SDCCAG8: variants seen among roughly 807,000 people sequenced by gnomAD.
SDCCAG8 encodes serologically defined colon cancer antigen 8.
A neutral mutation model predicts 101.8 loss-of-function variants in SDCCAG8; 74 were observed. That is an observed-to-expected ratio of 0.73 (90% confidence interval 0.60 to 0.88). SDCCAG8 has a LOEUF of 0.88. SDCCAG8 is among the 40% of genes least tolerant of loss of function. SDCCAG8 has a pLI of 0.00. For missense variants in SDCCAG8, 787 were observed against 822.6 expected, an observed-to-expected ratio of 0.96 and a Z score of 0.53; for synonymous variants, 281 against 292.9, an observed-to-expected ratio of 0.96 and a Z score of 0.41.
intron 16 of SDCCAG8, among the ~76,000 whole-genome samples, chr1:243,464,969 A>T (rs2148171107): frequency 6.6e-6 from 1 of 152,382 alleles, no homozygotes; most frequent in Middle Eastern, 3.4e-3. Flanking sequence ...AAGATACAGC[A>T]TTCCACCTCT....
At position 243,405,527 on chromosome 1, in the gene SDCCAG8, T is replaced by C. The variant is rs185146402; in HGVS notation, c.1617-10175T>C. Among the ~76,000 whole-genome samples, 481 of 152,332 alleles carry C rather than the reference T, an allele frequency of 3.2e-3. 4 individuals carry two copies. Among genetic ancestry groups the C allele is most frequent in the Non-Finnish European group, 4.1e-3 (279 of 68,030 alleles). On this transcript the variant is annotated intron_variant, in intron 13 of 17. Coordinates refer to ENST00000366541, the MANE Select transcript of SDCCAG8 (RefSeq NM_006642.5). Reference sequence around the variant, plus strand: ...AGATCTGGCAATGAGCAACGATCCATAGGCACTTACTAGCAAAAGGAATAG... The same window carrying C: ...AGATCTGGCAATGAGCAACGATCCACAGGCACTTACTAGCAAAAGGAATAG...
chr1:243,316,878 T>C lies in SDCCAG8; in HGVS notation c.1053T>C (p.Asn351=), dbSNP rs777038486. The change falls in exon 9 of 18, where the codon AAT becomes AAC. Residue 351 remains asparagine (N), a synonymous_variant. Transcript: ENST00000366541. Reference sequence around the variant, plus strand: ...TTTTGCAAATATCTGAGGAAGCCAATTTTGAAAAAACCAAGGCAAGTCTAA... The same window carrying C: ...TTTTGCAAATATCTGAGGAAGCCAACTTTGAAAAAACCAAGGCAAGTCTAA... ...KQVLQISEEA[N]FEKTKALIQC... is the part of the protein sequence containing the mutation. The C allele has an allele frequency of 6.8e-6, 11 of 1,613,814 alleles. No homozygotes were observed. The highest frequency in any genetic ancestry group is 9.3e-6 in the Non-Finnish European group (11 of 1,179,934).
chr1:243,468,980 A>G (rs1403337700), intron 16 of SDCCAG8, among the ~76,000 whole-genome samples: 10 of 152,234 alleles, frequency 6.6e-5, no homozygotes, highest in Admixed American at 5.9e-4. Flanking sequence ...GTCACTTTAT[A>G]TACTCTCCAA....
chr1:243,494,220 GTTT>G (rs1023233005), intron 17 of SDCCAG8, among the ~76,000 whole-genome samples: 4 of 152,090 alleles, frequency 2.6e-5, no homozygotes, highest in African/African-American at 9.7e-5. Context: ...CCAAATTGTT[GTTT>G]TTTTGTTTTT....
In SDCCAG8 at chr1:243,273,270, G is replaced by T. The variant is rs1352581391; in HGVS notation, c.307-1273G>T. Among the ~76,000 whole-genome samples, 4 of 152,214 alleles carry T rather than the reference G, an allele frequency of 2.6e-5. No homozygotes were observed. In the East Asian group the frequency reaches 7.7e-4, roughly 29 times the overall value. ...GTCTGCTGTGCTGAGAAAGAGAGTG[G>T]CTGAGAAACAGACACTGTGCCTCAT... On this transcript the variant is annotated intron_variant, in intron 3 of 17. Transcript: ENST00000366541.
chr1:243,354,559 G>A (rs553025007), intron 12 of SDCCAG8, among the ~76,000 whole-genome samples: 1 of 152,230 alleles, frequency 6.6e-6, no homozygotes, highest in South Asian at 2.1e-4. Context: ...ACTGTCAAAG[G>A]TAGTATTGTG....
chr1:243,484,263 C>A (rs1664337932), intron 16 of SDCCAG8, among the ~76,000 whole-genome samples: 1 of 152,260 alleles, frequency 6.6e-6, no homozygotes, highest in South Asian at 2.1e-4. Flanking sequence ...TCTGGTGCAG[C>A]CACACTGCAC....
intron 8 of SDCCAG8, among the ~76,000 whole-genome samples, chr1:243,311,679 C>T (rs2072739484): frequency 6.6e-6 from 1 of 151,938 alleles, no homozygotes; most frequent in African/African-American, 2.4e-5. Context: ...CTTTGGGAGC[C>T]TGATGCAGGA....
intron 16 of SDCCAG8, among the ~76,000 whole-genome samples, chr1:243,454,421 C>T (rs1034999062): frequency 2.0e-5 from 3 of 152,098 alleles, no homozygotes; most frequent in African/African-American, 7.2e-5. Context: ...CTGGTTCGCT[C>T]ACGTTTGGTT....
At chr1:243,315,822 C>T (rs911527510) in intron 8 of SDCCAG8, among the ~76,000 whole-genome samples, 1 of 152,084 alleles carries the variant, frequency 6.6e-6, no homozygotes, top group Non-Finnish European at 1.5e-5. Flanking sequence ...AATTTGAAAC[C>T]GTGGTTTAGT....
chr1:243,269,679 C>T (rs898248673), intron 1 of SDCCAG8, among the ~76,000 whole-genome samples: 2 of 152,076 alleles, frequency 1.3e-5, no homozygotes, highest in Admixed American at 6.5e-5. Flanking sequence ...CTGGGTGTGA[C>T]GCAGTCCCTT....
chr1:243,368,392 C>T (rs928268853), intron 12 of SDCCAG8, among the ~76,000 whole-genome samples: 3 of 152,196 alleles, frequency 2.0e-5, no homozygotes, highest in Non-Finnish European at 4.4e-5. Flanking sequence ...TATGTTCTCT[C>T]CACAAACATT....
rs1259068286 is a variant in SDCCAG8, at chr1:243,367,746, ATAT to A, written c.1474-10972_1474-10970del. Reference sequence around the variant, plus strand: ...TATTTAATATATGCATTCATGTATAATATTAATATAATATATATGTATATCTTA... The same window carrying A: ...TATTTAATATATGCATTCATGTATAATAATATAATATATATGTATATCTTA... On this transcript the variant is annotated intron_variant, in intron 12 of 17. Transcript: ENST00000366541. 2.1e-4 allele frequency among the ~76,000 whole-genome samples: 31 copies of A among 149,172 alleles called. 1 individual carries two copies. In the East Asian group the frequency reaches 5.6e-3, roughly 27 times the overall value.
intron 5 of SDCCAG8, among the ~76,000 whole-genome samples, chr1:243,287,547 A>G (rs1015843568): frequency 2.6e-5 from 4 of 152,094 alleles, no homozygotes; most frequent in Non-Finnish European, 5.9e-5. Context: ...ATTTCAGTTT[A>G]ATTTTCTGCA....
chr1:243,422,784 C>G (rs1384753148), intron 15 of SDCCAG8, among the ~76,000 whole-genome samples: 1 of 152,112 alleles, frequency 6.6e-6, no homozygotes, highest in Non-Finnish European at 1.5e-5. Context: ...AAGCAATTAT[C>G]ATTTTAATCC....
intron 15 of SDCCAG8, among the ~76,000 whole-genome samples, chr1:243,419,263 C>T (rs1403399335): frequency 1.3e-5 from 2 of 151,730 alleles, no homozygotes; most frequent in African/African-American, 4.8e-5. Context: ...AACCTAGGTG[C>T]CAAAATACCA....
chr1:243,454,910 T>C (rs2083629624), intron 16 of SDCCAG8, among the ~76,000 whole-genome samples: 1 of 152,120 alleles, frequency 6.6e-6, no homozygotes. Context: ...CCAGATACGG[T>C]GGGAATAAGC....
At chr1:243,352,168 A>G (rs1387034117) in intron 12 of SDCCAG8, among the ~76,000 whole-genome samples, 1 of 152,276 alleles carries the variant, frequency 6.6e-6, no homozygotes. Flanking sequence ...ATAAGCAGAG[A>G]CAACACATCT....
At chr1:243,441,712 A>T (rs1197462964) in intron 16 of SDCCAG8, among the ~76,000 whole-genome samples, 1 of 152,218 alleles carries the variant, frequency 6.6e-6, no homozygotes, top group African/African-American at 2.4e-5. Context: ...TATCATACAG[A>T]CTTTGGAGTA....
Sources: gnomAD v4.1 joint callset for allele counts (sites outside exome capture counted in the v4.1 genomes callset) on GRCh38, gnomAD v4.1.1 for gene constraint, MANE v1.5 for transcripts, NCBI Gene and HGNC (gene_info 2026-07-23, HGNC 2026-07-21) for gene names.